The following ILRUN variants were observed in gnomAD, a reference collection of about 807,000 sequenced individuals.
ILRUN encodes inflammation and lipid regulator with UBA-like and NBR1-like domains, also known as protein ILRUN.
A neutral mutation model predicts 33.8 loss-of-function variants in ILRUN; 3 were observed. The observed-to-expected ratio is 0.09, with a 90% confidence interval of 0.04 to 0.23. ILRUN has a LOEUF of 0.23. ILRUN is among the 10% of genes least tolerant of loss of function. ILRUN has a pLI of 1.00. For synonymous variants in ILRUN, 124 were observed against 138.9 expected, an observed-to-expected ratio of 0.89 and a Z score of 0.75; for missense variants, 210 against 375.1, an observed-to-expected ratio of 0.56 and a Z score of 3.64.
chr6:34,605,219 T>C (rs1042047160), intron 4 of ILRUN, among the ~76,000 whole-genome samples: 1 of 148,304 alleles, frequency 6.7e-6, no homozygotes, highest in Non-Finnish European at 1.5e-5. Context: ...GGCAGGAGAA[T>C]CACTTGAACC....
At chr6:34,681,333 T>C (rs1399697812) in intron 1 of ILRUN, among the ~76,000 whole-genome samples, 1 of 152,208 alleles carries the variant, frequency 6.6e-6, no homozygotes, top group African/African-American at 2.4e-5. Context: ...TGACCCTCTA[T>C]ATTTGGGAAT....
rs1554189838 is a variant in ILRUN at position 34,683,453 on chromosome 6, C to CGT, written c.158+12992_158+12993insAC. ...ACATATATATATACATATATATATACATATATATACATATATATACACATA... is the reference window on the plus strand; with the variant it reads ...ACATATATATATACATATATATATACGTATATATATACATATATATACACATA... On this transcript the variant is annotated intron_variant, in intron 1 of 4. Coordinates refer to ENST00000374023, the MANE Select transcript of ILRUN (RefSeq NM_024294.4). Among the ~76,000 whole-genome samples, 51 of 96,602 alleles carry CGT rather than the reference C, an allele frequency of 5.3e-4. 1 individual carries two copies. The highest frequency in any genetic ancestry group is 2.4e-3 in the African/African-American group (49 of 20,448). 63.4% of individuals were successfully genotyped at this position (96,602 alleles called of 152,430 possible).
intron 3 of ILRUN, among the ~76,000 whole-genome samples, chr6:34,637,214 C>T (rs1762381942): frequency 6.6e-6 from 1 of 152,184 alleles, no homozygotes; most frequent in Non-Finnish European, 1.5e-5. Flanking sequence ...TTAACTATAT[C>T]TGGCCTAAGC....
At chr6:34,655,771 A>G (rs1311406437) in intron 1 of ILRUN, among the ~76,000 whole-genome samples, 1 of 152,198 alleles carries the variant, frequency 6.6e-6, no homozygotes, top group East Asian at 1.9e-4. Context: ...TTCCCTCAAT[A>G]AAAGTTGTAC....
intron 4 of ILRUN, among the ~76,000 whole-genome samples, chr6:34,596,579 G>T (rs1761404519): frequency 6.6e-6 from 1 of 152,172 alleles, no homozygotes; most frequent in Non-Finnish European, 1.5e-5. Flanking sequence ...TCCCAAAAGT[G>T]CTGGGATTAC....
intron 1 of ILRUN, chr6:34,687,204 G>A (rs1763539370): frequency 6.6e-6 from 1 of 152,094 alleles, no homozygotes; most frequent in Admixed American, 6.6e-5. Context: ...GAATAAACTA[G>A]AGCCATCAAC....
Position 34,632,952 on chromosome 6 carries a change from A to G in ILRUN, c.511+13649T>C, listed in dbSNP as rs549208078. Among the ~76,000 whole-genome samples the G allele has an allele frequency of 5.2e-5, 8 of 152,386 alleles. No individual in the cohort carries two copies. The South Asian group carries it at 1.7e-3, about 32-fold the overall frequency. ...GGTAAAACTAAATTCAAACATTTCA[A>G]TAATTATATTAAATGTGAATAGTCT... On this transcript the variant is annotated intron_variant, in intron 3 of 4. Transcript: ENST00000374023.
At chr6:34,605,495 G>C (rs1582037467) in intron 4 of ILRUN, among the ~76,000 whole-genome samples, 1 of 151,538 alleles carries the variant, frequency 6.6e-6, no homozygotes, top group African/African-American at 2.4e-5. Context: ...CAGGCATGGT[G>C]GTGGGCACCT....
chr6:34,655,053 A>G (rs1762741826), intron 1 of ILRUN, among the ~76,000 whole-genome samples: 1 of 152,244 alleles, frequency 6.6e-6, no homozygotes, highest in South Asian at 2.1e-4. Flanking sequence ...CCCACAGGAA[A>G]ACAAGAATGG....
chr6:34,637,535 C>T (rs1042902123), intron 3 of ILRUN, among the ~76,000 whole-genome samples: 2 of 152,040 alleles, frequency 1.3e-5, no homozygotes, highest in African/African-American at 4.8e-5. Flanking sequence ...ATATTTTTGC[C>T]CTCTACCAAA....
chr6:34,658,158 G>C (rs1048788512), intron 1 of ILRUN, among the ~76,000 whole-genome samples: 1 of 152,040 alleles, frequency 6.6e-6, no homozygotes, highest in Non-Finnish European at 1.5e-5. Flanking sequence ...AGACCAGCCT[G>C]GCCAACGTGG....
intron 1 of ILRUN, among the ~76,000 whole-genome samples, chr6:34,660,381 A>G (rs1464500480): frequency 6.6e-6 from 1 of 152,094 alleles, no homozygotes; most frequent in African/African-American, 2.4e-5. Flanking sequence ...AAAAAACTAG[A>G]TACCTTTTCT....
intron 1 of ILRUN, chr6:34,685,235 T>TAA (rs1763488861): frequency 6.6e-6 from 1 of 152,166 alleles, no homozygotes; most frequent in African/African-American, 2.4e-5. Flanking sequence ...GAGAGGGCCT[T>TAA]AAAGATAACT....
chr6:34,642,825 CAAAAAAAAAAAA>C lies in ILRUN; in HGVS notation c.511+3764_511+3775del, dbSNP rs57866309. On this transcript the variant is annotated intron_variant, in intron 3 of 4. Coordinates refer to ENST00000374023, the MANE Select transcript of ILRUN (RefSeq NM_024294.4). ...CAACATAGGGAGGTCCCGTCTCTAC[CAAAAAAAAAAAA>C]AAAAAAAAAAAAAGGCATGATGGCA... Among the ~76,000 whole-genome samples the C allele has an allele frequency of 2.5e-3, 107 of 42,994 alleles. 2 individuals carry two copies. The highest frequency in any genetic ancestry group is 8.9e-3 in the African/African-American group (95 of 10,656). The allele number at this position is 42,994 out of a possible 152,430, so 28.2% of individuals were successfully genotyped here. A position where few individuals can be genotyped will look rare whatever the true frequency, so the allele number is the denominator to read the frequency against.
chr6:34,612,821 T>C (rs927882169), intron 3 of ILRUN, among the ~76,000 whole-genome samples: 7 of 152,062 alleles, frequency 4.6e-5, no homozygotes, highest in African/African-American at 1.7e-4. Context: ...GGCGGGCGGA[T>C]CATGAGGTCA....
rs541689009 is a variant in ILRUN, at chr6:34,588,502, A to G, written c.*2063T>C. ...GAACAGCTGGGCATGCATGGGCTCC[A>G]GGGAGGCAGTGTCTCAGGAGACTGG... On this transcript the variant is annotated 3_prime_UTR_variant, in exon 5 of 5. Coordinates refer to ENST00000374023, the MANE Select transcript of ILRUN (RefSeq NM_024294.4). 4 of 327,154 alleles carry G rather than the reference A, an allele frequency of 1.2e-5. No individual in the cohort carries two copies. Among genetic ancestry groups the G allele is most frequent in the Non-Finnish European group, 2.2e-5 (4 of 180,584 alleles). 20.3% of individuals were successfully genotyped at this position (327,154 alleles called of 1,614,324 possible).
At chr6:34,619,663 CT>C (rs1293993055) in intron 3 of ILRUN, among the ~76,000 whole-genome samples, 2 of 152,014 alleles carry the variant, frequency 1.3e-5, no homozygotes, top group Non-Finnish European at 2.9e-5. Flanking sequence ...CCTCTATTAC[CT>C]TTTAAGAGTG....
intron 3 of ILRUN, among the ~76,000 whole-genome samples, chr6:34,635,573 GA>G (rs1762349263): frequency 3.4e-5 from 4 of 116,516 alleles, no homozygotes; most frequent in Non-Finnish European, 5.1e-5. Flanking sequence ...GGAAGGGAGG[GA>G]GGGAGGGAGG....
rs545078221 is a variant in ILRUN at position 34,654,162 on chromosome 6, T to C, written c.313+463A>G. On this transcript the variant is annotated intron_variant, in intron 2 of 4. Coordinates refer to ENST00000374023, the MANE Select transcript of ILRUN (RefSeq NM_024294.4). ...ATTTCAGAGACAATCATCCTTGTGG[T>C]TGCAAAAAAAAAAAAAAGAGCTTTC... 2.8e-5 allele frequency among the ~76,000 whole-genome samples: 4 copies of C among 143,466 alleles called. No homozygotes were observed. In the East Asian group the frequency reaches 7.9e-4, roughly 28 times the overall value. 94.1% of individuals were successfully genotyped at this position (143,466 alleles called of 152,430 possible). A position where few individuals can be genotyped will look rare whatever the true frequency, so the allele number is the denominator to read the frequency against.
Sources: allele counts gnomAD v4.1 joint callset (sites outside exome capture counted in the v4.1 genomes callset), GRCh38; gene constraint gnomAD v4.1.1; transcripts MANE v1.5; gene names NCBI Gene and HGNC (gene_info 2026-07-23, HGNC 2026-07-21).